The following FAHD1 variants were observed in gnomAD, a reference collection of about 807,000 sequenced individuals.
FAHD1 encodes the protein FAH domain containing oxaloacetate decarboxylase 1.
FAHD1 carries 14 observed loss-of-function variants against 12.7 expected under a neutral mutation model. That is an observed-to-expected ratio of 1.10 (90% CI 0.73 to 1.72). The LOEUF is 1.72. Among genes scored for constraint, FAHD1 ranks in the 40% most tolerant of loss-of-function variants. FAHD1 has a pLI of 0.00. For synonymous variants in FAHD1, 153 were observed against 124.9 expected (o/e 1.22, Z -1.50); for missense variants, 351 against 298.9 (o/e 1.17, Z -1.29).
chr16:1,829,091 G>T (rs959761864), downstream of FAHD1, among the ~76,000 whole-genome samples: 4 of 152,146 alleles, frequency 2.6e-5, no homozygotes, highest in African/African-American at 4.8e-5. Context: ...AAGTTGAATA[G>T]CCTGGGACTG....
At chr16:1,834,632 A>C (rs1247492438) in intron 1 of FAHD1, among the ~76,000 whole-genome samples, 1 of 152,240 alleles carries the variant, frequency 6.6e-6, no homozygotes, top group African/African-American at 2.4e-5. Flanking sequence ...AGTTGGGATT[A>C]AAAGTCTAAT....
intron 1 of FAHD1, chr16:1,834,321 G>T (rs1177596560): frequency 1.2e-6 from 2 of 1,612,974 alleles, no homozygotes; most frequent in East Asian, 4.5e-5. Flanking sequence ...TTGCACGAGA[G>T]TACACTAATT....
At chr16:1,828,718 C>A in exon 1 of FAHD1, 1 of 947,046 alleles carries the variant, frequency 1.1e-6, no homozygotes, top group Non-Finnish European at 1.3e-6. Flanking sequence ...ACAGGGCATT[C>A]CAAGTGATTC....
At chr16:1,831,636 T>C (rs1898621623), downstream of FAHD1, among the ~76,000 whole-genome samples, 1 of 152,144 alleles carries the variant, frequency 6.6e-6, no homozygotes, top group African/African-American at 2.4e-5. Context: ...ATCCTCCATA[T>C]ACTCTACAGC....
downstream of FAHD1, among the ~76,000 whole-genome samples, chr16:1,831,495 T>G (rs1898619217): frequency 6.6e-6 from 1 of 152,118 alleles, no homozygotes; most frequent in Non-Finnish European, 1.5e-5. Flanking sequence ...TTCCATAGCT[T>G]CCTCAGGTAA....
chr16:1,839,535 T>C (rs976417293), exon 3 of FAHD1: 10 of 1,167,508 alleles, frequency 8.6e-6, no homozygotes, highest in Admixed American at 7.7e-5. Context: ...TCTACGACAG[T>C]GTGTGGAAAA....
At chr16:1,837,172 G>A (rs1223477362) in intron 1 of FAHD1, among the ~76,000 whole-genome samples, 3 of 151,898 alleles carry the variant, frequency 2.0e-5, no homozygotes, top group African/African-American at 7.2e-5. Flanking sequence ...CAGGGTTGGA[G>A]GATCATGGAA....
chr16:1,838,001 T>G, intron 1 of FAHD1: 2 of 1,440,550 alleles, frequency 1.4e-6, no homozygotes, highest in South Asian at 3.1e-5. Flanking sequence ...CTCAATCGTT[T>G]GTTTTTGTTT....
exon 1 of FAHD1, chr16:1,827,454 C>T: frequency 1.2e-6 from 2 of 1,610,776 alleles, no homozygotes; most frequent in African/African-American, 1.3e-5. Flanking sequence ...TGGAGCTGGG[C>T]GTGGTGATGG....
rs540530562 is a variant in FAHD1, at chr16:1,834,373, G to A, written c.628-3643G>A. On this transcript the variant is annotated intron_variant, in intron 1 of 2. Coordinates refer to the FAHD1 transcript ENST00000382666. Reference sequence around the variant, plus strand: ...CTCTGTGTGATAGAACGAACTGCGAGGAGAAACAGAAAAAGAGACAAAAGG... The same window carrying A: ...CTCTGTGTGATAGAACGAACTGCGAAGAGAAACAGAAAAAGAGACAAAAGG... 4.1e-6 allele frequency: 6 copies of A among 1,470,506 alleles called. No individual in the cohort carries two copies. The East Asian group carries it at 6.8e-5, about 17-fold the overall frequency. 91.1% of individuals were successfully genotyped at this position (1,470,506 alleles called of 1,614,324 possible). A position where few individuals can be genotyped will look rare whatever the true frequency, so the allele number is the denominator to read the frequency against.
chr16:1,829,183 TC>T (rs1219981159), downstream of FAHD1, among the ~76,000 whole-genome samples: 2 of 151,968 alleles, frequency 1.3e-5, no homozygotes, highest in African/African-American at 4.8e-5. Flanking sequence ...CCTGGAGGAG[TC>T]CTTTGGGCTT....
rs372656598 is a variant in FAHD1 at position 1,835,262 on chromosome 16, C to CA, written c.628-2740dup. On this transcript the variant is annotated intron_variant, in intron 1 of 2. Coordinates refer to the FAHD1 transcript ENST00000382666. The stretch of plus-strand genomic sequence containing the variant: ...GAGCGAGCAGAGTGAGACTGTGTCT[C>CA]AAAAAAAAAAAAAAGTATAACATAT... 3.3e-3 allele frequency among the ~76,000 whole-genome samples: 349 copies of CA among 106,058 alleles called. 1 individual carries two copies. Among genetic ancestry groups the CA allele is most frequent in the Admixed American group, 7.1e-3 (71 of 9,956 alleles). 69.6% of individuals were successfully genotyped at this position (106,058 alleles called of 152,430 possible). A position where few individuals can be genotyped will look rare whatever the true frequency, so the allele number is the denominator to read the frequency against.
At chr16:1,834,932 T>TCCCCCCCCCC (rs1175911238) in intron 1 of FAHD1, among the ~76,000 whole-genome samples, 2 of 106,216 alleles carry the variant, frequency 1.9e-5, no homozygotes, top group Non-Finnish European at 3.8e-5. Flanking sequence ...CGAAACTCTG[T>TCCCCCCCCCC]CCCCCCCACC....
chr16:1,838,769 G>A (rs547816248), intron 2 of FAHD1, among the ~76,000 whole-genome samples: 78 of 152,160 alleles, frequency 5.1e-4, no homozygotes, highest in Non-Finnish European at 1.0e-3. Flanking sequence ...TTGGCTCACT[G>A]CAACTTCCAC....
chr16:1,837,281 C>T lies in FAHD1; in HGVS notation c.628-735C>T, dbSNP rs75948718. On this transcript the variant is annotated intron_variant, in intron 1 of 2. Transcript: ENST00000382666. ...ACCAAATCTGTCTCCCCGCAACAACCCAAGCACTTAATTGTGCTATCTTAC... is the reference window on the plus strand; with the variant it reads ...ACCAAATCTGTCTCCCCGCAACAACTCAAGCACTTAATTGTGCTATCTTAC... 6.1e-3 allele frequency among the ~76,000 whole-genome samples: 928 copies of T among 151,888 alleles called. 13 individuals are homozygous for T. Among genetic ancestry groups the T allele is most frequent in the African/African-American group, 0.022 (907 of 41,420 alleles).
At chr16:1,828,948 A>G, downstream of FAHD1, 1 of 997,424 alleles carries the variant, frequency 1.0e-6, no homozygotes, top group African/African-American at 1.7e-5. Context: ...CCCAGTAATG[A>G]CGAGGAGGGA....
Position 1,828,158 on chromosome 16 carries a change from G to A in FAHD1, c.*254G>A, listed in dbSNP as rs1026599768. On this transcript the variant is annotated 3_prime_UTR_variant, in exon 1 of 1. Transcript: ENST00000427358. ...TAGCCGGGCGTGGTGGCGGGCGCCT[G>A]TAGTCCCAGCTACTCTGGAGGCTGA... The A allele has an allele frequency of 8.3e-6, 7 of 843,450 alleles. No homozygotes were observed. The African/African-American group carries it at 1.1e-4, about 13-fold the overall frequency. 52.2% of individuals were successfully genotyped at this position (843,450 alleles called of 1,614,324 possible).
chr16:1,830,917 T>TACACACACACACACACACAC (rs1555470124), downstream of FAHD1, among the ~76,000 whole-genome samples: 519 of 114,814 alleles, frequency 4.5e-3, 5 homozygotes, highest in African/African-American at 0.013. Flanking sequence ...TCTCTCTCTA[T>TACACACACACACACACACAC]ACACACACAC....
downstream of FAHD1, among the ~76,000 whole-genome samples, chr16:1,833,284 T>C (rs1157057377): frequency 6.6e-6 from 1 of 152,166 alleles, no homozygotes; most frequent in Non-Finnish European, 1.5e-5. Context: ...GGCATGCTCA[T>C]GAACCTTTTG....
Sources: allele counts gnomAD v4.1 joint callset (sites outside exome capture counted in the v4.1 genomes callset), GRCh38; gene constraint gnomAD v4.1.1; transcripts MANE v1.5; gene names NCBI Gene and HGNC (gene_info 2026-07-23, HGNC 2026-07-21).